Variants in TDP1 observed in about 807,000 individuals in gnomAD.
TDP1 encodes tyr-DNA phosphodiesterase 1.
TDP1 carries 64 observed loss-of-function variants against 81.5 expected under a neutral mutation model. The observed-to-expected ratio is 0.79, with a 90% CI of 0.64 to 0.97. The LOEUF is 0.97. TDP1 is among the 50% of genes least tolerant of loss of function. The probability of loss-of-function intolerance (pLI) is 0.00; values close to 1 mark genes in which losing one functional copy is unlikely to be tolerated. For synonymous variants in TDP1, 256 were observed against 264.3 expected (o/e 0.97, Z 0.30); for missense variants, 723 against 743.8 (o/e 0.97, Z 0.33).
At chr14:89,962,873 CAAA>C (rs113407792) in intron 2 of TDP1, 9 of 719,304 alleles carry the variant, frequency 1.3e-5, no homozygotes, top group African/African-American at 1.2e-4. Flanking sequence ...GACCCTGTTT[CAAA>C]AAAAAAAAGG....
rs548426786 is a variant in TDP1 at position 89,982,603 on chromosome 14, G to T, written c.885-1913G>T. Among the ~76,000 whole-genome samples the T allele has an allele frequency of 2.0e-5, 3 of 152,266 alleles. No individual in the cohort carries two copies. The East Asian group carries it at 5.8e-4, about 29-fold the overall frequency. ...GTACTGTCTTGGGATTCTCTGGGGT[G>T]GTTGCCAGGAGGGAAGAGGCAGGGA... On this transcript the variant is annotated intron_variant, in intron 8 of 16. Coordinates refer to ENST00000335725, the MANE Select transcript of TDP1 (RefSeq NM_018319.4).
At chr14:89,970,885 C>G in intron 5 of TDP1, 1 of 436,502 alleles carries the variant, frequency 2.3e-6, no homozygotes, top group South Asian at 9.7e-5. Context: ...GGCACCCAGG[C>G]TGGAGTGCAG....
In TDP1 at chr14:89,963,097, T is replaced by C; in HGVS notation, c.-7-11T>C. ...ATGGGAAATGCTGATGTTTCCACTT[T>C]TCATTTCCAGGAGTATAATGTCTCA... On this transcript the variant is annotated splice_polypyrimidine_tract_variant and intron_variant, in intron 2 of 16. Transcript: ENST00000335725. 6.2e-7 allele frequency: 1 copy of C among 1,614,122 alleles called. No individual in the cohort carries two copies. Among genetic ancestry groups the C allele is most frequent in the Non-Finnish European group, 8.5e-7 (1 of 1,180,008 alleles).
rs1046993066 is a variant in TDP1 at position 89,956,646 on chromosome 14, C to G, written c.-162C>G. ...GGCGCGGTGACTCACGCCTGTCATC[C>G]TAGCACTTTGGGAGGCCGAGGCGGC... On this transcript the variant is annotated 5_prime_UTR_variant, in exon 2 of 17. Coordinates refer to ENST00000335725, the MANE Select transcript of TDP1 (RefSeq NM_018319.4). 2.0e-5 allele frequency: 3 copies of G among 152,416 alleles called. No individual in the cohort carries two copies. The highest frequency in any genetic ancestry group is 4.4e-5 in the Non-Finnish European group (3 of 68,224). The allele number at this position is 152,416 out of a possible 1,614,324, so 9.4% of individuals were successfully genotyped here.
chr14:89,991,806 A>T, intron 12 of TDP1, 111 bp from the exon 13 acceptor site: 2 of 1,245,396 alleles, frequency 1.6e-6, no homozygotes, highest in Non-Finnish European at 2.2e-6. Flanking sequence ...GAAGTAATAG[A>T]AGTAGTTTTT....
chr14:89,984,784 A>G, intron 9 of TDP1, 101 bp downstream of exon 9: 1 of 1,598,506 alleles, frequency 6.3e-7, no homozygotes, highest in Admixed American at 1.7e-5. Context: ...GTGGGGTGAA[A>G]TCTAGCCAAG....
At chr14:89,989,495 GA>G in intron 11 of TDP1, 1 of 895,884 alleles carries the variant, frequency 1.1e-6, no homozygotes, top group Non-Finnish European at 1.3e-6. Context: ...AATTTCAAAG[GA>G]AAAAATACTC....
rs754747710 is a variant in TDP1, at chr14:89,963,133, T to C, written c.19T>C (p.Tyr7His). The change falls in exon 3 of 17, where the codon TAT (tyrosine) becomes CAT (histidine). Residue 7 changes from tyrosine to histidine, a missense_variant. Physicochemically the swap from Tyr to His is moderately conservative, Grantham distance 83. Transcript: ENST00000335725. ...GAGTATAATGTCTCAGGAAGGCGATTATGGGAGGTGGACCATATCTAGTAG... is the reference window on the plus strand; with the variant it reads ...GAGTATAATGTCTCAGGAAGGCGATCATGGGAGGTGGACCATATCTAGTAG... MSQEGD[Y>H]GRWTISSSDE... 2.0e-5 allele frequency: 32 copies of C among 1,613,998 alleles called. No homozygotes were observed. In the Admixed American group the frequency reaches 3.5e-4, roughly 18 times the overall value.
chr14:89,957,161 A>G (rs1218045073), intron 2 of TDP1: 2 of 152,266 alleles, frequency 1.3e-5, no homozygotes, highest in African/African-American at 4.8e-5. Flanking sequence ...TTACTTTTTA[A>G]GTATATTCCA....
Position 89,989,694 on chromosome 14 carries a change from T to A in TDP1, c.1318-23T>A, listed in dbSNP as rs917008408. 4 of 1,588,838 alleles carry A rather than the reference T, an allele frequency of 2.5e-6. No homozygotes were observed. The African/African-American group carries it at 5.4e-5, about 21-fold the overall frequency. The stretch of plus-strand genomic sequence containing the variant: ...CTTCAACATGGTACATTCCGAGTTT[T>A]ATTGTTTTCCTCTTATTTTTAGATC... On this transcript the variant is annotated intron_variant, in intron 11 of 16. Transcript: ENST00000335725.
Position 89,963,157 on chromosome 14 carries a change from AGTG to A in TDP1, c.44_46del (p.Ser15_Asp16delinsAsn). 1 of 1,614,172 alleles carries A rather than the reference AGTG, an allele frequency of 6.2e-7. No homozygotes were observed. The highest frequency in any genetic ancestry group is 8.5e-7 in the Non-Finnish European group (1 of 1,180,034). On this transcript the variant is annotated inframe_deletion, in exon 3 of 17. Transcript: ENST00000335725. ...TTATGGGAGGTGGACCATATCTAGT[AGTG>A]ATGAAAGTGAGGAAGAAAAGCCAAA...
In TDP1 at chr14:89,989,039, A is replaced by G. The variant is rs1027100760; in HGVS notation, c.1266A>G (p.Thr422=). Residue 422 remains threonine (T), a synonymous_variant, in exon 11 of 17, where the codon ACA becomes ACG. Transcript: ENST00000335725. ...LCSEFKESML[T]LGKESKTPGK... is the part of the protein sequence containing the mutation. Reference sequence around the variant, plus strand: ...CTGAGTTTAAAGAGAGCATGCTGACACTGGGGAAGGAAAGCAAGACTCCAG... The same window carrying G: ...CTGAGTTTAAAGAGAGCATGCTGACGCTGGGGAAGGAAAGCAAGACTCCAG... 7 of 1,614,014 alleles carry G rather than the reference A, an allele frequency of 4.3e-6. No homozygotes were observed. In the African/African-American group the frequency reaches 8.0e-5, roughly 18 times the overall value.
intron 14 of TDP1, 72 bp from the exon 15 acceptor site, chr14:90,019,244 G>A: frequency 7.6e-7 from 1 of 1,313,570 alleles, no homozygotes; most frequent in Admixed American, 1.8e-5. Context: ...CGGTGCTCTT[G>A]CAGCTGTGGA....
intron 2 of TDP1, among the ~76,000 whole-genome samples, chr14:89,961,403 T>C (rs925837288): frequency 2.0e-5 from 3 of 152,196 alleles, no homozygotes; most frequent in Non-Finnish European, 2.9e-5. Flanking sequence ...TGTTTAGATA[T>C]TCCTTATCTC....
At chr14:89,998,372 TTATA>T (rs58264054) in intron 14 of TDP1, among the ~76,000 whole-genome samples, 1,308 of 52,652 alleles carry the variant, frequency 0.025, 21 homozygotes, top group Middle Eastern at 0.037. Flanking sequence ...TCCAAGCACA[TTATA>T]TATATATATA....
chr14:90,036,638 CTA>C (rs1476824104), intron 16 of TDP1, among the ~76,000 whole-genome samples: 2 of 152,112 alleles, frequency 1.3e-5, no homozygotes, highest in Non-Finnish European at 2.9e-5. Flanking sequence ...CTCCACAGAT[CTA>C]TATTGAGAGC....
At chr14:89,970,846 T>C in intron 5 of TDP1, 8 of 753,052 alleles carry the variant, frequency 1.1e-5, no homozygotes, top group Non-Finnish European at 1.3e-5. Flanking sequence ...TTTATTTATT[T>C]ATTTATTTTT....
At chr14:89,984,039 A>G (rs1895294027) in intron 8 of TDP1, 3 of 844,432 alleles carry the variant, frequency 3.6e-6, no homozygotes, top group Non-Finnish European at 4.3e-6. Flanking sequence ...CTTTTGGTAT[A>G]GATAACACAA....
At chr14:89,993,221 T>C in intron 13 of TDP1, 155 bp from the exon 14 acceptor site, 2 of 882,232 alleles carry the variant, frequency 2.3e-6, no homozygotes, top group Non-Finnish European at 2.7e-6. Flanking sequence ...ATGCGTTACT[T>C]GAATGGAGTT....
Sources: allele counts gnomAD v4.1 joint callset (sites outside exome capture counted in the v4.1 genomes callset), GRCh38; gene constraint gnomAD v4.1.1; transcripts MANE v1.5; gene names NCBI Gene and HGNC (gene_info 2026-07-23, HGNC 2026-07-21).